Variants in RTKN2 observed in about 807,000 individuals in gnomAD.
RTKN2 encodes rhotekin 2.
RTKN2 carries 69 observed loss-of-function variants against 71.5 expected under a neutral mutation model. The ratio of observed to expected loss-of-function variants is 0.96; its 90% CI spans 0.79 to 1.18. RTKN2 has a LOEUF of 1.18. Ranked by LOEUF, RTKN2 falls within the 50% of genes most tolerant of loss-of-function variation. The pLI, the probability that RTKN2 is intolerant of heterozygous loss-of-function variation, is 0.00. For missense variants in RTKN2, 724 were observed against 719.7 expected, an observed-to-expected ratio of 1.01 and a Z score of -0.07; for synonymous variants, 236 against 236.5, an observed-to-expected ratio of 1.00 and a Z score of 0.02.
chr10:62,187,794 T>G (rs142557455), intron 8 of RTKN2, among the ~76,000 whole-genome samples: 7 of 152,344 alleles, frequency 4.6e-5, no homozygotes, highest in African/African-American at 1.7e-4. Flanking sequence ...ATACAATTTA[T>G]GAGGATGCTC....
chr10:62,200,765 G>A (rs1841425936), intron 10 of RTKN2, among the ~76,000 whole-genome samples: 2 of 151,750 alleles, frequency 1.3e-5, no homozygotes, highest in Admixed American at 1.3e-4. Context: ...TTTTCTTTTA[G>A]GTTTTAAAAG....
Position 62,268,787 on chromosome 10 carries a change from G to A in RTKN2, c.-177C>T. ...CGCACGCGCAGTGGGCGCGCCTTGCGCTCTGCAGCTCCCGCCGCCGGAAGT... is the reference window on the plus strand; with the variant it reads ...CGCACGCGCAGTGGGCGCGCCTTGCACTCTGCAGCTCCCGCCGCCGGAAGT... On this transcript the variant is annotated 5_prime_UTR_variant, in exon 1 of 12. Transcript: ENST00000373789. 3 of 602,300 alleles carry A rather than the reference G, an allele frequency of 5.0e-6. No homozygotes were observed. The highest frequency in any genetic ancestry group is 5.6e-6 in the Non-Finnish European group (2 of 355,982). 37.3% of individuals were successfully genotyped at this position (602,300 alleles called of 1,614,324 possible). A position where few individuals can be genotyped will look rare whatever the true frequency, so the allele number is the denominator to read the frequency against.
In RTKN2 at chr10:62,195,758, A is replaced by G; in HGVS notation, c.*2150T>C. ...TGAAGACACCAGACCCATTTCAAAG[A>G]CTTGTAACATACAGTAAGCTGGGCC... On this transcript the variant is annotated 3_prime_UTR_variant, in exon 12 of 12. Transcript: ENST00000373789. 2.0e-6 allele frequency: 2 copies of G among 985,360 alleles called. No individual in the cohort carries two copies. Among genetic ancestry groups the G allele is most frequent in the Non-Finnish European group, 2.4e-6 (2 of 829,948 alleles). 61.0% of individuals were successfully genotyped at this position (985,360 alleles called of 1,614,324 possible).
chr10:62,244,027 T>C (rs1199630470), intron 3 of RTKN2, among the ~76,000 whole-genome samples: 1 of 152,152 alleles, frequency 6.6e-6, no homozygotes, highest in African/African-American at 2.4e-5. Flanking sequence ...TGTGATTTAG[T>C]TTCATAAAGA....
At chr10:62,192,291 A>G (rs1841235394), downstream of RTKN2, among the ~76,000 whole-genome samples, 1 of 152,200 alleles carries the variant, frequency 6.6e-6, no homozygotes, top group Non-Finnish European at 1.5e-5. Flanking sequence ...ACAGTATAGT[A>G]TCTTACACAT....
intron 6 of RTKN2, among the ~76,000 whole-genome samples, chr10:62,225,155 T>A (rs1284426811): frequency 6.6e-6 from 1 of 152,240 alleles, no homozygotes. Flanking sequence ...CCCTAAGATG[T>A]CTTCTTAAAG....
rs534758148 is a variant in RTKN2, at chr10:62,195,448, A to ATT, written c.*2458_*2459dup. On this transcript the variant is annotated 3_prime_UTR_variant, in exon 12 of 12. Coordinates refer to ENST00000373789, the MANE Select transcript of RTKN2 (RefSeq NM_145307.4). ...TGACACAGTGCTTAACTATTTTTAGATTTTTTTTTTAAACTGTAAAGGAAG... is the reference window on the plus strand; with the variant it reads ...TGACACAGTGCTTAACTATTTTTAGATTTTTTTTTTTTAAACTGTAAAGGAAG... 1 of 935,668 alleles carries ATT rather than the reference A, an allele frequency of 1.1e-6. No individual in the cohort carries two copies. The highest frequency in any genetic ancestry group is 1.3e-6 in the Non-Finnish European group (1 of 785,588). The allele number at this position is 935,668 out of a possible 1,614,324, so 58.0% of individuals were successfully genotyped here. A position where few individuals can be genotyped will look rare whatever the true frequency, so the allele number is the denominator to read the frequency against.
intron 10 of RTKN2, among the ~76,000 whole-genome samples, chr10:62,203,727 A>G (rs1841493722): frequency 6.6e-6 from 1 of 152,208 alleles, no homozygotes. Context: ...TCTAGGGATG[A>G]TACTTAAGGA....
At chr10:62,214,536 TA>T (rs1841727248) in intron 9 of RTKN2, among the ~76,000 whole-genome samples, 1 of 152,128 alleles carries the variant, frequency 6.6e-6, no homozygotes, top group African/African-American at 2.4e-5. Context: ...GTAAATCAAT[TA>T]AAATAGGTCA....
chr10:62,197,077 ATC>A lies in RTKN2; in HGVS notation c.*829_*830del. ...TGGCCAACTTTTCTGATATTTTTGA[ATC>A]TCTCATCTTCTTTTTAAATAAGTAT... On this transcript the variant is annotated 3_prime_UTR_variant, in exon 12 of 12. Transcript: ENST00000373789. The A allele has an allele frequency of 1.0e-6, 1 of 978,582 alleles. No homozygotes were observed. Among genetic ancestry groups the A allele is most frequent in the South Asian group, 4.7e-5 (1 of 21,154 alleles). 60.6% of individuals were successfully genotyped at this position (978,582 alleles called of 1,614,324 possible).
chr10:62,203,055 G>C (rs1841476772), intron 10 of RTKN2, among the ~76,000 whole-genome samples: 1 of 152,144 alleles, frequency 6.6e-6, no homozygotes, highest in African/African-American at 2.4e-5. Flanking sequence ...AGCTACTAGG[G>C]AGACTGAGGC....
At chr10:62,189,540 C>A (rs998762250), downstream of RTKN2, among the ~76,000 whole-genome samples, 1 of 152,064 alleles carries the variant, frequency 6.6e-6, no homozygotes, top group African/African-American at 2.4e-5. Context: ...TCAATAAATT[C>A]ACCCACCAGG....
exon 9 of RTKN2, chr10:62,184,161 T>A (rs746492998): frequency 3.7e-5 from 19 of 520,312 alleles, no homozygotes; most frequent in Non-Finnish European, 6.0e-5. Context: ...CTCTTAAATA[T>A]TCTTCTAAGG....
chr10:62,204,976 T>C lies in RTKN2; in HGVS notation c.1067A>G (p.His356Arg), dbSNP rs757558956. ...AACAGGATTGATGACAGAGAAATTA[T>C]GGATTCTTTTCTTGGCATCCTTATC... ...AMDKDAKKRI[H>R]NFSVINPVPG... The change falls in exon 10 of 12, where the codon CAT becomes CGT. Residue 356 changes from histidine to arginine, a missense_variant. Physicochemically the swap from His to Arg is conservative, Grantham distance 29. Transcript: ENST00000373789. The C allele has an allele frequency of 6.3e-7, 1 of 1,599,478 alleles. No homozygotes were observed. Among genetic ancestry groups the C allele is most frequent in the Admixed American group, 1.8e-5 (1 of 56,840 alleles).
At chr10:62,224,755 A>C (rs1005553357) in intron 6 of RTKN2, among the ~76,000 whole-genome samples, 5 of 152,068 alleles carry the variant, frequency 3.3e-5, no homozygotes, top group African/African-American at 1.2e-4. Context: ...TCATAAAAGA[A>C]TCTAGCCAAG....
intron 1 of RTKN2, among the ~76,000 whole-genome samples, chr10:62,266,249 A>G (rs1842866804): frequency 6.6e-6 from 1 of 152,254 alleles, no homozygotes; most frequent in African/African-American, 2.4e-5. Flanking sequence ...CTAGGTTTTA[A>G]GAGCTAGCCT....
At chr10:62,228,013 TAAG>T (rs1842066168) in intron 6 of RTKN2, among the ~76,000 whole-genome samples, 1 of 152,144 alleles carries the variant, frequency 6.6e-6, no homozygotes, top group African/African-American at 2.4e-5. Flanking sequence ...TTGGGGCAAA[TAAG>T]TTTAAGACTG....
intron 7 of RTKN2, among the ~76,000 whole-genome samples, chr10:62,221,191 T>C (rs1841898233): frequency 6.7e-6 from 1 of 150,122 alleles, no homozygotes; most frequent in South Asian, 2.1e-4. Context: ...GGGAAAAGAG[T>C]TTAATTGTTC....
At chr10:62,252,120 A>C (rs1326420054) in intron 2 of RTKN2, among the ~76,000 whole-genome samples, 2 of 152,156 alleles carry the variant, frequency 1.3e-5, no homozygotes, top group African/African-American at 2.4e-5. Flanking sequence ...AACAATCTAC[A>C]TATCAAAAGA....
Sources: allele counts gnomAD v4.1 joint callset (sites outside exome capture counted in the v4.1 genomes callset), GRCh38; gene constraint gnomAD v4.1.1; transcripts MANE v1.5; gene names NCBI Gene and HGNC (gene_info 2026-07-23, HGNC 2026-07-21).